The following RGS6 variants were observed in gnomAD, a reference collection of about 807,000 sequenced individuals.
The protein encoded by RGS6 is regulator of G protein signaling 6.
Under a neutral mutation model 78.5 loss-of-function variants are expected in RGS6, and 30 were observed. The ratio of observed to expected loss-of-function variants is 0.38; its 90% CI spans 0.29 to 0.52. The LOEUF (loss-of-function observed/expected upper bound fraction) is 0.52. Among genes scored for constraint, RGS6 ranks in the 20% least tolerant of loss-of-function variants. The probability of loss-of-function intolerance (pLI) is 0.85; values close to 1 mark genes in which losing one functional copy is unlikely to be tolerated. For synonymous variants in RGS6, 206 were observed against 206.0 expected (o/e 1.00, Z 0.00); for missense variants, 495 against 609.7 (o/e 0.81, Z 1.98).
chr14:72,225,723 A>G (rs541559772), intron 2 of RGS6, among the ~76,000 whole-genome samples: 1 of 152,216 alleles, frequency 6.6e-6, no homozygotes, highest in Non-Finnish European at 1.5e-5. Context: ...GTATTCCTCT[A>G]GCAAAAATTC....
chr14:72,419,080 A>G (rs987146249), intron 3 of RGS6, among the ~76,000 whole-genome samples: 1 of 152,248 alleles, frequency 6.6e-6, no homozygotes, highest in Non-Finnish European at 1.5e-5. Flanking sequence ...CAGTAAAACT[A>G]ACTAGAGACA....
chr14:72,612,736 G>A, the RGS6 span: 1 of 408,886 alleles, frequency 2.4e-6, no homozygotes, highest in Non-Finnish European at 4.9e-6. Flanking sequence ...GACTTTTGAA[G>A]TACCCAACTA....
the RGS6 span, among the ~76,000 whole-genome samples, chr14:72,616,014 CATT>C: frequency 1.6e-3 from 239 of 152,340 alleles, 4 homozygotes; most frequent in East Asian, 0.029. Flanking sequence ...ACAACCACAT[CATT>C]ATCTCCATTT....
intron 2 of RGS6, among the ~76,000 whole-genome samples, chr14:72,013,754 G>A (rs1357224246): frequency 6.6e-6 from 1 of 152,212 alleles, no homozygotes; most frequent in African/African-American, 2.4e-5. Flanking sequence ...TGAAGGCTTT[G>A]TGTGATGAAC....
chr14:72,138,441 C>G (rs931248906), intron 2 of RGS6, among the ~76,000 whole-genome samples: 5 of 146,040 alleles, frequency 3.4e-5, no homozygotes, highest in African/African-American at 1.3e-4. Flanking sequence ...TGTAGTGCAC[C>G]TGTACCTGTT....
chr14:72,322,293 A>G (rs1336462093), intron 2 of RGS6, among the ~76,000 whole-genome samples: 1 of 152,012 alleles, frequency 6.6e-6, no homozygotes, highest in Non-Finnish European at 1.5e-5. Flanking sequence ...TAGTAAACAA[A>G]CCAAAATGGT....
At chr14:72,291,600 G>T (rs1296873561) in intron 2 of RGS6, among the ~76,000 whole-genome samples, 1 of 152,206 alleles carries the variant, frequency 6.6e-6, no homozygotes, top group Non-Finnish European at 1.5e-5. Context: ...GTTGAAAAGT[G>T]TTTGTTGAAT....
At chr14:72,317,983 G>A (rs1479119353) in intron 2 of RGS6, among the ~76,000 whole-genome samples, 1 of 152,128 alleles carries the variant, frequency 6.6e-6, no homozygotes, top group Admixed American at 6.6e-5. Context: ...AATAGTTTTT[G>A]CTCAAATAAT....
intron 15 of RGS6, among the ~76,000 whole-genome samples, chr14:72,519,901 C>T (rs1283821116): frequency 6.6e-6 from 1 of 152,132 alleles, no homozygotes; most frequent in East Asian, 1.9e-4. Flanking sequence ...GCATCTAGCA[C>T]AGTATTAACA....
intron 2 of RGS6, among the ~76,000 whole-genome samples, chr14:71,996,344 C>T (rs1465689089): frequency 1.3e-5 from 2 of 152,054 alleles, no homozygotes; most frequent in African/African-American, 4.8e-5. Context: ...GAGCATTATT[C>T]AGACATGTGG....
chr14:71,924,652 C>G, the RGS6 span, among the ~76,000 whole-genome samples: 2 of 152,112 alleles, frequency 1.3e-5, no homozygotes, highest in Non-Finnish European at 2.9e-5. Context: ...CAATATTTTC[C>G]TTTCTATGTG....
chr14:71,979,042 T>G (rs1003951791), intron 2 of RGS6, among the ~76,000 whole-genome samples: 2 of 151,510 alleles, frequency 1.3e-5, no homozygotes, highest in African/African-American at 4.9e-5. Context: ...CTTTCTAGTT[T>G]ATTTGCGTAG....
chr14:72,224,238 G>GT (rs2047554324), intron 2 of RGS6, among the ~76,000 whole-genome samples: 1 of 152,118 alleles, frequency 6.6e-6, no homozygotes, highest in South Asian at 2.1e-4. Context: ...GGGCAACATG[G>GT]TGAAACCCCA....
At chr14:72,354,022 A>G (rs2079678455) in intron 3 of RGS6, among the ~76,000 whole-genome samples, 1 of 151,858 alleles carries the variant, frequency 6.6e-6, no homozygotes, top group African/African-American at 2.4e-5. Flanking sequence ...ATGGAACAGC[A>G]CACACACACA....
In RGS6 at chr14:72,478,404, C is replaced by T. The variant is rs563462250; in HGVS notation, c.854+75C>T. On this transcript the variant is annotated intron_variant, in intron 12 of 17. Transcript: ENST00000553525. ...AGAAATGTTACAGGGTTATGGTTAA[C>T]GAATGTGTTCAATGCCAAGAGTTAG... 1.6e-5 allele frequency: 17 copies of T among 1,077,252 alleles called. No homozygotes were observed. In the East Asian group the frequency reaches 2.3e-4, roughly 14 times the overall value. 66.7% of individuals were successfully genotyped at this position (1,077,252 alleles called of 1,614,324 possible). A position where few individuals can be genotyped will look rare whatever the true frequency, so the allele number is the denominator to read the frequency against.
At chr14:71,925,712 C>CATATTATATTATATTATATT in the RGS6 span, among the ~76,000 whole-genome samples, 97 of 96,290 alleles carry the variant, frequency 1.0e-3, 3 homozygotes, top group African/African-American at 5.0e-3. Flanking sequence ...TAGATGACTT[C>CATATTATATTATATTATATT]ATATTATATT....
intron 3 of RGS6, among the ~76,000 whole-genome samples, chr14:72,449,001 A>T (rs2095431986): frequency 6.6e-6 from 1 of 152,188 alleles, no homozygotes; most frequent in Non-Finnish European, 1.5e-5. Flanking sequence ...CACCATGGGC[A>T]CTCAGGAAAT....
At position 72,153,329 on chromosome 14, in the gene RGS6, T is replaced by G. The variant is rs189235101; in HGVS notation, c.84+188454T>G. On this transcript the variant is annotated intron_variant, in intron 2 of 17. Coordinates refer to ENST00000553525, the MANE Select transcript of RGS6 (RefSeq NM_001204424.2). ...TGACCACAGAGTTTAAAGCAGAACA[T>G]TGGGAAGAAGGTAGACTGGGCCAGT... Among the ~76,000 whole-genome samples, 1,016 of 152,164 alleles carry G rather than the reference T, an allele frequency of 6.7e-3. 6 individuals carry two copies. The highest frequency in any genetic ancestry group is 0.012 in the Non-Finnish European group (821 of 67,986).
intron 1 of RGS6, among the ~76,000 whole-genome samples, chr14:71,940,115 C>A (rs1048983334): frequency 2.6e-5 from 4 of 152,180 alleles, no homozygotes; most frequent in Non-Finnish European, 5.9e-5. Flanking sequence ...CTTGCATAAG[C>A]CCCTAGCTTA....
Sources: allele counts gnomAD v4.1 joint callset (sites outside exome capture counted in the v4.1 genomes callset), GRCh38; gene constraint gnomAD v4.1.1; transcripts MANE v1.5; gene names NCBI Gene and HGNC (gene_info 2026-07-23, HGNC 2026-07-21).